Variants in MACROD2 observed in about 807,000 individuals in gnomAD.
MACROD2 encodes the protein ADP-ribose glycohydrolase MACROD2.
In MACROD2, 36 loss-of-function variants were observed where a neutral mutation model predicts 70.4. The observed-to-expected ratio is 0.51, with a 90% CI of 0.39 to 0.68. The LOEUF is 0.68. Ranked by LOEUF, MACROD2 falls within the 30% of genes least tolerant of loss-of-function variation. MACROD2 has a pLI of 0.00. For missense variants in MACROD2, 496 were observed against 538.4 expected, an observed-to-expected ratio of 0.92 and a Z score of 0.78; for synonymous variants, 172 against 178.8, an observed-to-expected ratio of 0.96 and a Z score of 0.30.
At chr20:15,596,046 A>G (rs569148696) in intron 8 of MACROD2, among the ~76,000 whole-genome samples, 1 of 152,358 alleles carries the variant, frequency 6.6e-6, no homozygotes, top group African/African-American at 2.4e-5. Context: ...TGAAACTCAG[A>G]TGTCATACAT....
chr20:14,307,661 G>A (rs1299466951), intron 3 of MACROD2, among the ~76,000 whole-genome samples: 1 of 152,176 alleles, frequency 6.6e-6, no homozygotes, highest in Admixed American at 6.5e-5. Flanking sequence ...GCCCTATGTT[G>A]TCAGATGTTG....
chr20:15,775,779 C>A (rs2147027463), intron 8 of MACROD2, among the ~76,000 whole-genome samples: 1 of 152,242 alleles, frequency 6.6e-6, no homozygotes, highest in Middle Eastern at 3.4e-3. Flanking sequence ...CAAGACCACC[C>A]TTGAACAGAC....
chr20:14,506,131 G>A (rs1302635084), intron 4 of MACROD2, among the ~76,000 whole-genome samples: 1 of 152,128 alleles, frequency 6.6e-6, no homozygotes, highest in African/African-American at 2.4e-5. Context: ...CTGAAGAGTT[G>A]TCAGTGAAAG....
At chr20:14,813,161 T>C (rs764501159) in intron 5 of MACROD2, among the ~76,000 whole-genome samples, 43 of 151,996 alleles carry the variant, frequency 2.8e-4, no homozygotes, top group Non-Finnish European at 5.3e-4. Flanking sequence ...TATTTTAATA[T>C]GAAAATTAAT....
chr20:15,391,718 T>G (rs1030816432), intron 6 of MACROD2, among the ~76,000 whole-genome samples: 8 of 152,232 alleles, frequency 5.3e-5, no homozygotes, highest in Admixed American at 2.0e-4. Flanking sequence ...TACAAGTTCT[T>G]CTTGGAAACT....
intron 6 of MACROD2, among the ~76,000 whole-genome samples, chr20:15,343,276 A>G (rs916145145): frequency 6.6e-6 from 1 of 152,236 alleles, no homozygotes; most frequent in Non-Finnish European, 1.5e-5. Flanking sequence ...GGAGGACTTT[A>G]AACCCTTTTC....
At chr20:14,754,792 G>C (rs922578834) in intron 5 of MACROD2, among the ~76,000 whole-genome samples, 1 of 86,104 alleles carries the variant, frequency 1.2e-5, no homozygotes, top group African/African-American at 4.4e-5. Flanking sequence ...TTTAGGTAAA[G>C]TGATTTTTTT....
intron 5 of MACROD2, among the ~76,000 whole-genome samples, chr20:14,752,272 G>A (rs1388163629): frequency 6.6e-6 from 1 of 151,522 alleles, no homozygotes; most frequent in Non-Finnish European, 1.5e-5. Context: ...CTCAACTTAA[G>A]CCTAAATTTA....
At chr20:14,775,979 A>G (rs781263569) in intron 5 of MACROD2, among the ~76,000 whole-genome samples, 5 of 152,054 alleles carry the variant, frequency 3.3e-5, no homozygotes, top group Non-Finnish European at 5.9e-5. Flanking sequence ...TCTTAGTCAC[A>G]ACAAGTCCCT....
intron 5 of MACROD2, among the ~76,000 whole-genome samples, chr20:15,147,999 A>G (rs1402170356): frequency 6.6e-6 from 1 of 152,170 alleles, no homozygotes; most frequent in Non-Finnish European, 1.5e-5. Context: ...GTGTATGTGC[A>G]GGTCACAGGG....
intron 5 of MACROD2, among the ~76,000 whole-genome samples, chr20:15,070,583 A>G (rs773370261): frequency 6.6e-6 from 1 of 152,080 alleles, no homozygotes; most frequent in Non-Finnish European, 1.5e-5. Flanking sequence ...CCATAGTTTC[A>G]GTTCATGCAA....
chr20:15,561,926 T>C (rs1328022897), intron 8 of MACROD2, among the ~76,000 whole-genome samples: 7 of 152,030 alleles, frequency 4.6e-5, no homozygotes, highest in Non-Finnish European at 8.8e-5. Flanking sequence ...GCATGTACTT[T>C]CCTGGCAGAG....
rs11358439 is a variant in MACROD2, at chr20:14,718,292, C to CAAAAAAAAAAAAAAAAAAAAAAA, written c.418+33337_418+33359dup. Among the ~76,000 whole-genome samples the CAAAAAAAAAAAAAAAAAAAAAAA allele has an allele frequency of 3.7e-5, 2 of 54,640 alleles. 1 individual carries two copies. The highest frequency in any genetic ancestry group is 6.0e-5 in the Non-Finnish European group (2 of 33,468). The allele number at this position is 54,640 out of a possible 152,430, so 35.8% of individuals were successfully genotyped here. The stretch of plus-strand genomic sequence containing the variant: ...TGGGCGACAGAGAGAGACTCTGTCT[C>CAAAAAAAAAAAAAAAAAAAAAAA]AAAAAAAAAAAAAAAAAAAAAAAAA... On this transcript the variant is annotated intron_variant, in intron 5 of 17. Coordinates refer to ENST00000684519, the MANE Select transcript of MACROD2 (RefSeq NM_001351661.2).
At chr20:14,069,577 A>G (rs1307702153) in intron 2 of MACROD2, among the ~76,000 whole-genome samples, 1 of 151,202 alleles carries the variant, frequency 6.6e-6, no homozygotes, top group Admixed American at 6.6e-5. Context: ...AAATGGCATT[A>G]AAAAAACAGC....
At chr20:15,715,406 T>TA (rs1339740851) in intron 8 of MACROD2, among the ~76,000 whole-genome samples, 1 of 152,190 alleles carries the variant, frequency 6.6e-6, no homozygotes, top group African/African-American at 2.4e-5. Flanking sequence ...GTTAGAAATG[T>TA]AAACACATTA....
intron 3 of MACROD2, among the ~76,000 whole-genome samples, chr20:14,199,277 G>T (rs566703875): frequency 1.3e-5 from 2 of 152,306 alleles, no homozygotes; most frequent in South Asian, 4.1e-4. Flanking sequence ...AGTGACAAGG[G>T]TTCTGCACTT....
intron 9 of MACROD2, among the ~76,000 whole-genome samples, chr20:15,870,609 T>G (rs1020983510): frequency 1.3e-5 from 2 of 152,144 alleles, no homozygotes; most frequent in Non-Finnish European, 2.9e-5. Flanking sequence ...CACTTTGTGA[T>G]GTCTTCCACC....
In MACROD2 at chr20:15,118,817, C is replaced by G. The variant is rs139302790; in HGVS notation, c.419-111123C>G. 6.5e-4 allele frequency among the ~76,000 whole-genome samples: 99 copies of G among 152,308 alleles called. 3 individuals are homozygous for G. In the East Asian group the frequency reaches 0.018, roughly 28 times the overall value. The stretch of plus-strand genomic sequence containing the variant: ...AAATTAACTTCCTCCTGTGTTTACA[C>G]CAGCTTTTATACTTTGTTGGAAATA... On this transcript the variant is annotated intron_variant, in intron 5 of 17. Coordinates refer to ENST00000684519, the MANE Select transcript of MACROD2 (RefSeq NM_001351661.2).
At chr20:15,691,262 AT>A (rs1971406748) in intron 8 of MACROD2, among the ~76,000 whole-genome samples, 1 of 152,110 alleles carries the variant, frequency 6.6e-6, no homozygotes, top group South Asian at 2.1e-4. Flanking sequence ...CATAGCCTTG[AT>A]TTTTCAATCT....
Sources: allele counts gnomAD v4.1 joint callset (sites outside exome capture counted in the v4.1 genomes callset), GRCh38; gene constraint gnomAD v4.1.1; transcripts MANE v1.5; gene names NCBI Gene and HGNC (gene_info 2026-07-23, HGNC 2026-07-21).